STPG2: variants seen among roughly 807,000 people sequenced by gnomAD.
STPG2 encodes the protein sperm-tail PG-rich repeat-containing protein 2.
STPG2 carries 56 observed loss-of-function variants against 54.2 expected under a neutral mutation model. The ratio of observed to expected loss-of-function variants is 1.03; its 90% CI spans 0.83 to 1.29. STPG2 has a LOEUF of 1.29. Among genes scored for constraint, STPG2 ranks in the 50% most tolerant of loss-of-function variants. STPG2 has a pLI of 0.00. For synonymous variants in STPG2, 200 were observed against 181.8 expected (o/e 1.10, Z -0.81); for missense variants, 596 against 544.9 (o/e 1.09, Z -0.93).
intron 4 of STPG2, among the ~76,000 whole-genome samples, chr4:97,500,022 T>C (rs1475114063): frequency 2.6e-5 from 4 of 152,004 alleles, no homozygotes; most frequent in African/African-American, 7.2e-5. Context: ...ATACTCTTGA[T>C]CTAACATATT....
At chr4:98,042,392 T>C (rs1227328385) in intron 5 of STPG2, among the ~76,000 whole-genome samples, 1 of 151,886 alleles carries the variant, frequency 6.6e-6, no homozygotes, top group Non-Finnish European at 1.5e-5. Context: ...CTTTGGTTTC[T>C]CTAGACTCAT....
At chr4:97,571,297 G>C (rs1375112586) in intron 10 of STPG2, among the ~76,000 whole-genome samples, 1 of 151,970 alleles carries the variant, frequency 6.6e-6, no homozygotes, top group Non-Finnish European at 1.5e-5. Flanking sequence ...CAAAAATAAA[G>C]TTCTAAGGCT....
intron 4 of STPG2, among the ~76,000 whole-genome samples, chr4:97,542,418 G>A (rs1366892166): frequency 6.6e-6 from 1 of 152,168 alleles, no homozygotes; most frequent in East Asian, 1.9e-4. Flanking sequence ...ACCACAATGA[G>A]ATAATCATCT....
rs1220056058 is a variant in STPG2 at position 97,703,743 on chromosome 4, C to CAT, written c.1320+8955_1320+8956insAT. 4.5e-3 allele frequency among the ~76,000 whole-genome samples: 446 copies of CAT among 98,224 alleles called. 2 individuals carry two copies. The highest frequency in any genetic ancestry group is 7.0e-3 in the Admixed American group (51 of 7,300). 64.4% of individuals were successfully genotyped at this position (98,224 alleles called of 152,430 possible). Reference sequence around the variant, plus strand: ...ATATTTAGTATATATAATATATTATCGTATATATATAGTATATTAGCATAG... The same window carrying CAT: ...ATATTTAGTATATATAATATATTATCATGTATATATATAGTATATTAGCATAG... On this transcript the variant is annotated intron_variant, in intron 10 of 10. Coordinates refer to ENST00000295268, the MANE Select transcript of STPG2 (RefSeq NM_174952.3).
At chr4:97,474,779 C>T (rs944379512) in intron 4 of STPG2, among the ~76,000 whole-genome samples, 3 of 151,774 alleles carry the variant, frequency 2.0e-5, no homozygotes, top group Non-Finnish European at 2.9e-5. Context: ...GTTAATAAAC[C>T]ACTAACTCTC....
intron 10 of STPG2, among the ~76,000 whole-genome samples, chr4:97,642,007 C>G (rs976415125): frequency 2.6e-5 from 4 of 151,406 alleles, no homozygotes; most frequent in Non-Finnish European, 5.9e-5. Flanking sequence ...TGGCATTTAA[C>G]TTATTATGCT....
At chr4:97,755,932 A>G (rs1421602787) in intron 9 of STPG2, among the ~76,000 whole-genome samples, 2 of 152,220 alleles carry the variant, frequency 1.3e-5, no homozygotes, top group Non-Finnish European at 2.9e-5. Flanking sequence ...TGGCACTAGC[A>G]GGTCAGAGGA....
chr4:97,654,412 G>A (rs150580318), intron 10 of STPG2, among the ~76,000 whole-genome samples: 206 of 151,936 alleles, frequency 1.4e-3, no homozygotes, highest in Admixed American at 0.013. Flanking sequence ...AAAGACTTCC[G>A]AGAAATAATA....
rs1000616360 is a variant in STPG2, at chr4:97,514,864, G to A, written c.462+197835C>T. On this transcript the variant is annotated intron_variant, in intron 4 of 4. Coordinates refer to the STPG2 transcript ENST00000522676. ...CTTAACATTACCTCGCAAAGTCCTG[G>A]GGGTACCAATTGGTATATCTTATCT... is the stretch of plus-strand genomic sequence containing the variant. 4.0e-5 allele frequency among the ~76,000 whole-genome samples: 6 copies of A among 151,896 alleles called. 1 individual carries two copies. The South Asian group carries it at 1.2e-3, about 32-fold the overall frequency.
chr4:97,767,883 G>A (rs184931059), intron 9 of STPG2, among the ~76,000 whole-genome samples: 128 of 152,180 alleles, frequency 8.4e-4, no homozygotes, highest in Middle Eastern at 3.4e-3. Flanking sequence ...AAAACATAGA[G>A]TTGGCCAGGC....
intron 8 of STPG2, among the ~76,000 whole-genome samples, chr4:97,848,615 A>C (rs1448906999): frequency 1.3e-5 from 2 of 152,130 alleles, no homozygotes; most frequent in African/African-American, 4.8e-5. Flanking sequence ...TAATGTTTTT[A>C]TTTCAAAAAT....
intron 4 of STPG2, among the ~76,000 whole-genome samples, chr4:97,476,841 C>CT (rs1218245615): frequency 1.3e-5 from 2 of 152,130 alleles, no homozygotes; most frequent in Admixed American, 6.5e-5. Flanking sequence ...ACAATAAACT[C>CT]TAAGTGGTTC....
At chr4:98,045,248 G>C (rs1350108558) in intron 5 of STPG2, among the ~76,000 whole-genome samples, 2 of 152,082 alleles carry the variant, frequency 1.3e-5, no homozygotes, top group South Asian at 4.2e-4. Flanking sequence ...CCAAGCACCT[G>C]AACAGAGGAC....
chr4:97,502,877 G>T (rs1431225472), intron 4 of STPG2, among the ~76,000 whole-genome samples: 1 of 151,780 alleles, frequency 6.6e-6, no homozygotes, highest in Non-Finnish European at 1.5e-5. Flanking sequence ...TGCCCCTTAC[G>T]CTGTGAATAG....
intron 5 of STPG2, among the ~76,000 whole-genome samples, chr4:98,011,377 T>G (rs1355100991): frequency 6.6e-6 from 1 of 152,190 alleles, no homozygotes; most frequent in Non-Finnish European, 1.5e-5. Flanking sequence ...GCATTTGGGT[T>G]GGTTCCATGT....
chr4:97,722,964 A>ATT (rs3974903), intron 9 of STPG2, among the ~76,000 whole-genome samples: 76 of 116,338 alleles, frequency 6.5e-4, no homozygotes, highest in South Asian at 2.6e-3. Flanking sequence ...CACCCGGCTA[A>ATT]TTTTTTTTTT....
intron 8 of STPG2, among the ~76,000 whole-genome samples, chr4:97,916,067 G>C (rs982559848): frequency 6.6e-6 from 1 of 152,282 alleles, no homozygotes; most frequent in East Asian, 1.9e-4. Context: ...AATGCATCAA[G>C]TAGGCTGACA....
rs143538175 is a variant in STPG2, at chr4:97,913,521, C to G, written c.1044+30376G>C. Among the ~76,000 whole-genome samples the G allele has an allele frequency of 7.4e-3, 1,127 of 152,224 alleles. 11 individuals are homozygous for G. Among genetic ancestry groups the G allele is most frequent in the Non-Finnish European group, 0.011 (725 of 67,992 alleles). On this transcript the variant is annotated intron_variant, in intron 8 of 10. Coordinates refer to ENST00000295268, the MANE Select transcript of STPG2 (RefSeq NM_174952.3). ...CTTATTGGGTTCCTAACCTATAGAA[C>G]AGCTCCTCCTCCTTGCGCATATAAT...
chr4:97,759,205 T>C (rs1232169494), intron 9 of STPG2, among the ~76,000 whole-genome samples: 5 of 152,152 alleles, frequency 3.3e-5, no homozygotes, highest in Non-Finnish European at 7.3e-5. Flanking sequence ...TGTTAGAGTA[T>C]GTAAGGGCAG....
Sources: allele counts gnomAD v4.1 joint callset (sites outside exome capture counted in the v4.1 genomes callset), GRCh38; gene constraint gnomAD v4.1.1; transcripts MANE v1.5; gene names NCBI Gene and HGNC (gene_info 2026-07-23, HGNC 2026-07-21).